Variants in TCERG1L observed in about 807,000 individuals in gnomAD.
The protein encoded by TCERG1L is transcription elongation regulator 1-like protein.
TCERG1L carries 37 observed loss-of-function variants against 56.3 expected under a neutral mutation model. The ratio of observed to expected loss-of-function variants is 0.66; its 90% CI spans 0.51 to 0.87. TCERG1L has a LOEUF of 0.87. TCERG1L is among the 40% of genes least tolerant of loss of function. TCERG1L has a pLI of 0.00. For synonymous variants in TCERG1L, 324 were observed against 326.3 expected (o/e 0.99, Z 0.08); for missense variants, 799 against 774.2 (o/e 1.03, Z -0.38).
At chr10:131,217,941 G>T (rs891294444) in intron 4 of TCERG1L, among the ~76,000 whole-genome samples, 1 of 152,028 alleles carries the variant, frequency 6.6e-6, no homozygotes, top group African/African-American at 2.4e-5. Context: ...AGCCAGGATG[G>T]TCTCGATCTC....
intron 6 of TCERG1L, among the ~76,000 whole-genome samples, chr10:131,159,971 C>T (rs1452913378): frequency 1.3e-5 from 2 of 152,202 alleles, no homozygotes; most frequent in African/African-American, 4.8e-5. Flanking sequence ...CTGATTCCAA[C>T]AGCTGCTCAA....
intron 6 of TCERG1L, among the ~76,000 whole-genome samples, chr10:131,148,190 A>G (rs920940853): frequency 6.6e-6 from 1 of 152,250 alleles, no homozygotes; most frequent in Non-Finnish European, 1.5e-5. Flanking sequence ...ATGGGGGAAT[A>G]GCCTGGTCAT....
At chr10:131,268,354 T>A (rs551309892) in intron 3 of TCERG1L, among the ~76,000 whole-genome samples, 1 of 152,364 alleles carries the variant, frequency 6.6e-6, no homozygotes, top group East Asian at 1.9e-4. Flanking sequence ...AGATGTGCTG[T>A]CACCCAGGCT....
intron 4 of TCERG1L, among the ~76,000 whole-genome samples, chr10:131,246,739 T>A (rs113448192): frequency 6.6e-6 from 1 of 152,088 alleles, no homozygotes. Context: ...AGAGGAGGAA[T>A]TGGGCAGCCA....
chr10:131,168,925 C>T (rs1846061784), intron 4 of TCERG1L, among the ~76,000 whole-genome samples: 1 of 152,234 alleles, frequency 6.6e-6, no homozygotes, highest in Admixed American at 6.5e-5. Flanking sequence ...CAGCTGCGTG[C>T]ACAGGTCTAT....
intron 4 of TCERG1L, among the ~76,000 whole-genome samples, chr10:131,258,606 A>G (rs1846199597): frequency 6.6e-6 from 1 of 152,200 alleles, no homozygotes; most frequent in South Asian, 2.1e-4. Context: ...TCCAGGTCAG[A>G]TGGATCAATT....
intron 6 of TCERG1L, among the ~76,000 whole-genome samples, chr10:131,152,810 A>G (rs1435829166): frequency 6.6e-6 from 1 of 152,186 alleles, no homozygotes; most frequent in African/African-American, 2.4e-5. Context: ...GGAAACTTAC[A>G]ATCATGGCAG....
chr10:131,261,915 T>C (rs1204775831), intron 3 of TCERG1L, among the ~76,000 whole-genome samples: 1 of 152,172 alleles, frequency 6.6e-6, no homozygotes, highest in South Asian at 2.1e-4. Context: ...AAAGTCTGCA[T>C]GAGGCAAGGC....
rs543602511 is a variant in TCERG1L, at chr10:131,120,267, T to C, written c.1260-3333A>G. Among the ~76,000 whole-genome samples the C allele has an allele frequency of 2.0e-5, 3 of 152,310 alleles. No individual in the cohort carries two copies. The East Asian group carries it at 5.8e-4, about 29-fold the overall frequency. On this transcript the variant is annotated intron_variant, in intron 8 of 11. Transcript: ENST00000368642. ...TTGCCCATGTGCAGAGGGCAGCACA[T>C]TATCCGGTAAAATGCACAAATCCAA...
intron 4 of TCERG1L, among the ~76,000 whole-genome samples, chr10:131,206,940 T>C (rs767154631): frequency 1.3e-5 from 2 of 152,048 alleles, no homozygotes; most frequent in Non-Finnish European, 2.9e-5. Flanking sequence ...GGGAAGCAAA[T>C]GGTCTTTGAA....
chr10:131,217,511 G>A (rs780268180), intron 4 of TCERG1L, among the ~76,000 whole-genome samples: 4 of 152,086 alleles, frequency 2.6e-5, no homozygotes, highest in African/African-American at 7.2e-5. Flanking sequence ...GCAGAGGGCT[G>A]GATCCCAGAC....
chr10:131,093,580 G>C (rs1270420768), intron 11 of TCERG1L, among the ~76,000 whole-genome samples: 1 of 152,084 alleles, frequency 6.6e-6, no homozygotes. Context: ...GCCCCCACCA[G>C]CCTCCTCAGC....
intron 8 of TCERG1L, among the ~76,000 whole-genome samples, chr10:131,132,777 A>G (rs116835768): frequency 0.011 from 1,600 of 152,244 alleles, 35 homozygotes; most frequent in African/African-American, 0.036. Context: ...TTGGCCCCCA[A>G]AAGTGACTTT....
At chr10:131,146,691 C>T in intron 6 of TCERG1L, 31 bp from the exon 7 acceptor site, 1 of 1,585,842 alleles carries the variant, frequency 6.3e-7, no homozygotes, top group Non-Finnish European at 8.6e-7. Context: ...ATCTCAGTCG[C>T]TCTCGGAGAC....
chr10:131,172,091 T>A (rs1443498410), intron 4 of TCERG1L, among the ~76,000 whole-genome samples: 1 of 152,242 alleles, frequency 6.6e-6, no homozygotes, highest in Non-Finnish European at 1.5e-5. Context: ...AGAAACTGTC[T>A]TGATTCTCTT....
intron 8 of TCERG1L, 37 bp from the exon 9 acceptor site, chr10:131,116,971 T>TG: frequency 6.3e-7 from 1 of 1,586,856 alleles, no homozygotes; most frequent in Non-Finnish European, 8.6e-7. Context: ...GACACACTCG[T>TG]GGGGACCCAG....
intron 9 of TCERG1L, among the ~76,000 whole-genome samples, chr10:131,109,650 C>G (rs954319422): frequency 2.0e-5 from 3 of 152,226 alleles, no homozygotes; most frequent in Non-Finnish European, 4.4e-5. Context: ...AGGACTGTCC[C>G]TCCGCCCTGT....
At chr10:131,269,731 G>C (rs531550542) in intron 3 of TCERG1L, among the ~76,000 whole-genome samples, 25 of 152,324 alleles carry the variant, frequency 1.6e-4, no homozygotes, top group South Asian at 8.3e-4. Context: ...TTGAAACACT[G>C]AGAGTTCCCA....
At chr10:131,139,120 A>C (rs1310593559) in intron 7 of TCERG1L, among the ~76,000 whole-genome samples, 1 of 152,280 alleles carries the variant, frequency 6.6e-6, no homozygotes, top group Admixed American at 6.5e-5. Context: ...TACAGTGCTA[A>C]GGAGATCATG....
Sources: gnomAD v4.1 joint callset for allele counts (sites outside exome capture counted in the v4.1 genomes callset) on GRCh38, gnomAD v4.1.1 for gene constraint, MANE v1.5 for transcripts, NCBI Gene and HGNC (gene_info 2026-07-23, HGNC 2026-07-21) for gene names.